SORCS3: variants seen among roughly 807,000 people sequenced by gnomAD.
SORCS3 encodes sortilin related VPS10 domain containing receptor 3, also known as VPS10 domain-containing receptor SorCS3.
SORCS3 carries 57 observed loss-of-function variants against 146.3 expected under a neutral mutation model. The ratio of observed to expected loss-of-function variants is 0.39; its 90% confidence interval spans 0.31 to 0.49. SORCS3 has a LOEUF of 0.49. Among genes scored for constraint, SORCS3 ranks in the 20% least tolerant of loss-of-function variants. SORCS3 has a pLI of 0.92. For synonymous variants in SORCS3, 653 were observed against 618.5 expected (o/e 1.06, Z -0.83); for missense variants, 1,341 against 1,575.5 (o/e 0.85, Z 2.52).
At chr10:104,900,839 A>T (rs1270000177) in intron 2 of SORCS3, among the ~76,000 whole-genome samples, 1 of 129,090 alleles carries the variant, frequency 7.7e-6, no homozygotes, top group Admixed American at 1.0e-4. Context: ...GGTTGCAGTG[A>T]GCTGAGATGG....
intron 7 of SORCS3, among the ~76,000 whole-genome samples, chr10:105,107,531 C>T (rs1057402025): frequency 2.0e-5 from 3 of 152,062 alleles, no homozygotes; most frequent in Admixed American, 6.6e-5. Flanking sequence ...TATTCTGAAA[C>T]ATTCCTTTTT....
chr10:104,948,454 T>G (rs2019395668), intron 3 of SORCS3, among the ~76,000 whole-genome samples: 1 of 152,172 alleles, frequency 6.6e-6, no homozygotes, highest in Non-Finnish European at 1.5e-5. Flanking sequence ...TGGAATAGAA[T>G]GAGGAATTTA....
At chr10:104,971,285 A>G (rs2054859138) in intron 3 of SORCS3, among the ~76,000 whole-genome samples, 1 of 152,248 alleles carries the variant, frequency 6.6e-6, no homozygotes, top group Admixed American at 6.5e-5. Flanking sequence ...GACTGGCTAG[A>G]GTTGTCTTAC....
At chr10:104,780,256 G>A (rs2017359649) in intron 1 of SORCS3, among the ~76,000 whole-genome samples, 1 of 151,974 alleles carries the variant, frequency 6.6e-6, no homozygotes, top group Non-Finnish European at 1.5e-5. Context: ...GCATCTGTGA[G>A]CATACATACC....
chr10:105,199,851 C>G (rs2056564087), intron 14 of SORCS3, 148 bp from the exon 15 acceptor site: 14 of 625,864 alleles, frequency 2.2e-5, no homozygotes, highest in Non-Finnish European at 4.1e-5. Flanking sequence ...GGACTTTCTC[C>G]TTAATGGCCC....
intron 4 of SORCS3, among the ~76,000 whole-genome samples, chr10:105,034,501 A>G (rs1411666179): frequency 6.6e-6 from 1 of 152,146 alleles, no homozygotes; most frequent in Non-Finnish European, 1.5e-5. Context: ...CAGTGTTAGT[A>G]TAAGCCAGTT....
chr10:105,145,542 A>G (rs2056124766), intron 8 of SORCS3, among the ~76,000 whole-genome samples: 1 of 152,106 alleles, frequency 6.6e-6, no homozygotes, highest in Non-Finnish European at 1.5e-5. Flanking sequence ...TATGACCAAA[A>G]CATCTGGGAA....
intron 20 of SORCS3, among the ~76,000 whole-genome samples, chr10:105,223,612 A>G (rs113024704): frequency 8.5e-5 from 13 of 152,334 alleles, no homozygotes; most frequent in African/African-American, 2.9e-4. Context: ...AAGTAGCCCT[A>G]TCTGTCTAGA....
chr10:105,140,192 A>G (rs10884104), intron 8 of SORCS3, among the ~76,000 whole-genome samples: 16,862 of 152,184 alleles, frequency 0.11, 1,096 homozygotes, highest in Admixed American at 0.17. Flanking sequence ...GTAATGTTGC[A>G]AAGACTTGGG....
At chr10:104,797,189 G>T (rs757191875) in intron 1 of SORCS3, among the ~76,000 whole-genome samples, 1 of 152,068 alleles carries the variant, frequency 6.6e-6, no homozygotes, top group African/African-American at 2.4e-5. Flanking sequence ...TGCAAGACTC[G>T]GGGCTAAGAA....
intron 1 of SORCS3, among the ~76,000 whole-genome samples, chr10:104,792,285 G>A (rs1197702804): frequency 2.0e-5 from 3 of 152,184 alleles, no homozygotes; most frequent in Non-Finnish European, 2.9e-5. Flanking sequence ...TCTCTGGGCA[G>A]TAGGGCTTGG....
intron 4 of SORCS3, among the ~76,000 whole-genome samples, chr10:105,005,688 G>A (rs769169619): frequency 2.6e-5 from 4 of 152,096 alleles, no homozygotes; most frequent in Admixed American, 6.6e-5. Flanking sequence ...GAGCCCTTGA[G>A]CACAGTTCTC....
intron 1 of SORCS3, among the ~76,000 whole-genome samples, chr10:104,696,166 A>AC (rs1564660975): frequency 8.4e-6 from 1 of 118,584 alleles, no homozygotes; most frequent in Non-Finnish European, 1.7e-5. Flanking sequence ...ATACACATAT[A>AC]ATATATAATA....
chr10:104,718,068 C>A (rs1481626380), intron 1 of SORCS3, among the ~76,000 whole-genome samples: 3 of 152,108 alleles, frequency 2.0e-5, no homozygotes, highest in Non-Finnish European at 4.4e-5. Flanking sequence ...ATCGCTTGAA[C>A]CTGGGAGGCG....
chr10:104,676,170 C>G (rs1194914733), intron 1 of SORCS3, among the ~76,000 whole-genome samples: 1 of 151,976 alleles, frequency 6.6e-6, no homozygotes, highest in South Asian at 2.1e-4. Context: ...TGTTTTGTGT[C>G]TTCATATCTT....
At chr10:105,239,724 A>G (rs900089630) in intron 20 of SORCS3, among the ~76,000 whole-genome samples, 4 of 152,290 alleles carry the variant, frequency 2.6e-5, no homozygotes, top group African/African-American at 9.6e-5. Flanking sequence ...TGAAAGGCCA[A>G]TTTGCTGGGA....
chr10:105,262,564 A>G (rs2056968496), intron 26 of SORCS3, 73 bp downstream of exon 26: 15 of 1,484,044 alleles, frequency 1.0e-5, no homozygotes, highest in African/African-American at 2.8e-5. Flanking sequence ...TCTGTCCCCC[A>G]TACATTACTG....
At chr10:104,891,258 C>T (rs2018746050) in intron 2 of SORCS3, among the ~76,000 whole-genome samples, 1 of 152,158 alleles carries the variant, frequency 6.6e-6, no homozygotes, top group African/African-American at 2.4e-5. Context: ...GGAATTGTTC[C>T]TTCTAATTCT....
intron 1 of SORCS3, among the ~76,000 whole-genome samples, chr10:104,810,415 A>G (rs2017727403): frequency 6.6e-6 from 1 of 152,220 alleles, no homozygotes; most frequent in Admixed American, 6.5e-5. Flanking sequence ...TTAATGGTAT[A>G]TGTACTGTTT....
Sources: gnomAD v4.1 joint callset for allele counts (sites outside exome capture counted in the v4.1 genomes callset) on GRCh38, gnomAD v4.1.1 for gene constraint, MANE v1.5 for transcripts, NCBI Gene and HGNC (gene_info 2026-07-23, HGNC 2026-07-21) for gene names.